The following DLGAP2 variants were observed in gnomAD, a reference collection of about 807,000 sequenced individuals.
The protein encoded by DLGAP2 is DLG associated protein 2.
Under a neutral mutation model 100.3 loss-of-function variants are expected in DLGAP2, and 26 were observed. That is an observed-to-expected ratio of 0.26 (90% CI 0.19 to 0.36). DLGAP2 has a LOEUF of 0.36. Ranked by LOEUF, DLGAP2 falls within the 10% of genes least tolerant of loss-of-function variation. DLGAP2 has a pLI of 1.00. For synonymous variants in DLGAP2, 886 were observed against 630.1 expected (o/e 1.41, Z -6.08); for missense variants, 1,858 against 1,453.2 (o/e 1.28, Z -4.53).
intron 2 of DLGAP2, among the ~76,000 whole-genome samples, chr8:1,069,793 G>A (rs1404377321): frequency 5.3e-5 from 8 of 152,150 alleles, no homozygotes; most frequent in Non-Finnish European, 1.2e-4. Flanking sequence ...ACAAGATGAG[G>A]TGCAGCCACA....
At chr8:1,141,026 G>A (rs563193185) in intron 2 of DLGAP2, among the ~76,000 whole-genome samples, 2 of 152,288 alleles carry the variant, frequency 1.3e-5, no homozygotes, top group Admixed American at 6.5e-5. Context: ...CTTCATTGAA[G>A]GTGTGGCAGG....
chr8:937,383 G>A (rs1352743729), intron 2 of DLGAP2, among the ~76,000 whole-genome samples: 3 of 152,108 alleles, frequency 2.0e-5, no homozygotes, highest in Non-Finnish European at 1.5e-5. Context: ...ATTGTCACTG[G>A]CTTTCTCCAA....
chr8:1,691,792 C>T (rs902774016), intron 13 of DLGAP2, among the ~76,000 whole-genome samples, 166 bp downstream of exon 13: 3 of 152,064 alleles, frequency 2.0e-5, no homozygotes, highest in Admixed American at 2.0e-4. Flanking sequence ...AGAGACGATT[C>T]GGCCCTGGTT....
intron 6 of DLGAP2, among the ~76,000 whole-genome samples, chr8:1,595,124 T>C (rs1796411174): frequency 6.6e-6 from 1 of 151,970 alleles, no homozygotes; most frequent in Non-Finnish European, 1.5e-5. Flanking sequence ...CACTGCAGCC[T>C]CAACCTCCCG....
intron 2 of DLGAP2, among the ~76,000 whole-genome samples, chr8:1,189,826 GC>G (rs201924821): frequency 2.1e-3 from 314 of 152,324 alleles, no homozygotes; most frequent in African/African-American, 7.0e-3. Context: ...CCCCCTGAGG[GC>G]AAGAAGGGGC....
chr8:1,179,413 G>A (rs1797332959), intron 2 of DLGAP2, among the ~76,000 whole-genome samples: 1 of 152,234 alleles, frequency 6.6e-6, no homozygotes, highest in Non-Finnish European at 1.5e-5. Context: ...CACTTGTGCT[G>A]CCAGCTTTCT....
At chr8:1,418,294 A>T (rs1470009647) in intron 3 of DLGAP2, among the ~76,000 whole-genome samples, 2 of 152,220 alleles carry the variant, frequency 1.3e-5, no homozygotes, top group Non-Finnish European at 2.9e-5. Context: ...ATGGTCTAAA[A>T]ATTAAACAGC....
rs754396312 is a variant in DLGAP2, at chr8:1,548,650, C to T, written c.197C>T (p.Thr66Met). 2.6e-6 allele frequency: 4 copies of T among 1,567,912 alleles called. No individual in the cohort carries two copies. The highest frequency in any genetic ancestry group is 2.6e-6 in the Non-Finnish European group (3 of 1,158,038). Residue 66 changes from threonine to methionine, a missense_variant, in exon 5 of 15, where the codon ACG becomes ATG. Thr to Met is a moderately conservative substitution (Grantham distance 81). Transcript: ENST00000637795. ...DLDPQYSWSPTQHFNEERYSP... is the reference protein window; with the variant it reads ...DLDPQYSWSPMQHFNEERYSP... ...GACCCGCAGTACTCATGGTCGCCCA[C>T]GCAGCACTTCAATGAGGAGCGCTAC...
chr8:743,985 A>G (rs1417646995), intron 1 of DLGAP2, among the ~76,000 whole-genome samples: 1 of 152,232 alleles, frequency 6.6e-6, no homozygotes, highest in East Asian at 1.9e-4. Flanking sequence ...AGACAACAGC[A>G]GTTTCTCAAG....
At position 935,654 on chromosome 8, in the gene DLGAP2, G is replaced by A. The variant is rs144034255; in HGVS notation, c.73+27688G>A. On this transcript the variant is annotated intron_variant, in intron 2 of 14. Transcript: ENST00000637795. The stretch of plus-strand genomic sequence containing the variant: ...ATGTTTCAGGGCCGGGTGTGCCTCA[G>A]TCGTGTTCTGTCATCCGTCGTGTCT... Among the ~76,000 whole-genome samples, 20 of 152,216 alleles carry A rather than the reference G, an allele frequency of 1.3e-4. No individual in the cohort carries two copies. The East Asian group carries it at 3.9e-3, about 30-fold the overall frequency.
chr8:1,379,377 C>T (rs1354471188), intron 3 of DLGAP2, among the ~76,000 whole-genome samples: 2 of 152,246 alleles, frequency 1.3e-5, no homozygotes, highest in African/African-American at 2.4e-5. Flanking sequence ...ACGGCACGTA[C>T]GCCGACATCC....
chr8:1,132,850 C>T (rs537548311), intron 2 of DLGAP2, among the ~76,000 whole-genome samples: 1 of 152,194 alleles, frequency 6.6e-6, no homozygotes, highest in Non-Finnish European at 1.5e-5. Flanking sequence ...TAGATGGATT[C>T]AGAGATCTTC....
intron 2 of DLGAP2, among the ~76,000 whole-genome samples, chr8:1,181,510 C>G (rs1797387104): frequency 6.6e-6 from 1 of 151,844 alleles, no homozygotes; most frequent in Admixed American, 6.6e-5. Flanking sequence ...TGACAGGCAC[C>G]GAGAGGGACA....
intron 4 of DLGAP2, among the ~76,000 whole-genome samples, chr8:1,507,453 C>T (rs990515418): frequency 3.9e-5 from 6 of 152,164 alleles, no homozygotes; most frequent in Admixed American, 6.5e-5. Flanking sequence ...AGTGCGGGGC[C>T]GCGGAGCCCG....
At chr8:860,256 G>T (rs566494520) in intron 1 of DLGAP2, among the ~76,000 whole-genome samples, 2 of 152,278 alleles carry the variant, frequency 1.3e-5, no homozygotes, top group Admixed American at 1.3e-4. Flanking sequence ...ATTAGAATGG[G>T]GTTTTGGGAT....
intron 2 of DLGAP2, among the ~76,000 whole-genome samples, chr8:1,211,672 T>C (rs1023507805): frequency 4.6e-5 from 7 of 152,144 alleles, no homozygotes; most frequent in Non-Finnish European, 1.0e-4. Flanking sequence ...GGTCGGGAGT[T>C]CGAGACCAGC....
At chr8:1,348,351 A>C (rs867389896) in intron 3 of DLGAP2, among the ~76,000 whole-genome samples, 5 of 57,044 alleles carry the variant, frequency 8.8e-5, no homozygotes, top group South Asian at 1.4e-3. Flanking sequence ...ACACAGAGCT[A>C]CATTGCACTC....
intron 3 of DLGAP2, among the ~76,000 whole-genome samples, chr8:1,458,441 A>T (rs1336492380): frequency 2.6e-5 from 4 of 152,168 alleles, no homozygotes; most frequent in Non-Finnish European, 5.9e-5. Flanking sequence ...AGATGAGATG[A>T]CTGATACTTC....
intron 4 of DLGAP2, among the ~76,000 whole-genome samples, chr8:1,517,606 C>G (rs1333232137): frequency 6.6e-6 from 1 of 152,164 alleles, no homozygotes; most frequent in Non-Finnish European, 1.5e-5. Flanking sequence ...GCAAGGGGCC[C>G]CTCCATCCGA....
Sources: allele counts gnomAD v4.1 joint callset (sites outside exome capture counted in the v4.1 genomes callset), GRCh38; gene constraint gnomAD v4.1.1; transcripts MANE v1.5; gene names NCBI Gene and HGNC (gene_info 2026-07-23, HGNC 2026-07-21).